Variants in PLXDC1 observed in about 807,000 individuals in gnomAD.
PLXDC1 encodes the protein plexin domain containing 1.
Under a neutral mutation model 61.3 loss-of-function variants are expected in PLXDC1, and 39 were observed. The observed-to-expected ratio is 0.64, with a 90% CI of 0.49 to 0.83. PLXDC1 has a LOEUF of 0.83. Among genes scored for constraint, PLXDC1 ranks in the 40% least tolerant of loss-of-function variants. PLXDC1 has a pLI of 0.00. For synonymous variants in PLXDC1, 212 were observed against 254.5 expected, an observed-to-expected ratio of 0.83 and a Z score of 1.59; for missense variants, 596 against 666.5, an observed-to-expected ratio of 0.89 and a Z score of 1.17.
intron 9 of PLXDC1, chr17:39,080,105 G>A (rs1290054532): frequency 1.3e-5 from 2 of 154,472 alleles, no homozygotes; most frequent in East Asian, 3.8e-4. Context: ...GGCTATTGGA[G>A]GCTGAGAACT....
At chr17:39,122,576 T>C (rs1911200395) in intron 2 of PLXDC1, among the ~76,000 whole-genome samples, 1 of 152,094 alleles carries the variant, frequency 6.6e-6, no homozygotes, top group Non-Finnish European at 1.5e-5. Flanking sequence ...ATGGTCACTA[T>C]AATCCATATT....
chr17:39,076,702 T>C (rs1909350240), intron 11 of PLXDC1, among the ~76,000 whole-genome samples: 1 of 152,034 alleles, frequency 6.6e-6, no homozygotes, highest in Non-Finnish European at 1.5e-5. Flanking sequence ...GAAGGGGCTT[T>C]CAAAGCTGGA....
chr17:39,148,376 T>TATTTTA (rs1470027405), intron 1 of PLXDC1, among the ~76,000 whole-genome samples: 2 of 151,792 alleles, frequency 1.3e-5, no homozygotes, highest in Non-Finnish European at 2.9e-5. Context: ...GCTAATTTTT[T>TATTTTA]ATTTTAATTT....
intron 2 of PLXDC1, among the ~76,000 whole-genome samples, chr17:39,128,109 A>ACATATATATATGTG: frequency 9.6e-6 from 1 of 103,926 alleles, no homozygotes; most frequent in African/African-American, 4.1e-5. Context: ...ATATATATAT[A>ACATATATATATGTG]TATATGTATA....
chr17:39,145,565 C>T (rs945159102), intron 1 of PLXDC1, among the ~76,000 whole-genome samples: 9 of 152,150 alleles, frequency 5.9e-5, no homozygotes, highest in South Asian at 4.1e-4. Flanking sequence ...CATCTCTCTC[C>T]GGCTTCCAGC....
chr17:39,124,888 A>C (rs1911269858), intron 2 of PLXDC1, among the ~76,000 whole-genome samples: 1 of 152,122 alleles, frequency 6.6e-6, no homozygotes, highest in African/African-American at 2.4e-5. Context: ...ACCTCAGCTT[A>C]CTGCAACCTC....
intron 6 of PLXDC1, among the ~76,000 whole-genome samples, chr17:39,106,308 C>G (rs967484436): frequency 6.6e-6 from 1 of 152,090 alleles, no homozygotes; most frequent in South Asian, 2.1e-4. Flanking sequence ...TCCATTTCCC[C>G]TCATCCTACT....
At chr17:39,079,073 A>AGGAGTTGC in intron 10 of PLXDC1, 31 bp downstream of exon 10, 1 of 1,592,418 alleles carries the variant, frequency 6.3e-7, no homozygotes, top group Non-Finnish European at 8.6e-7. Flanking sequence ...CACCTGGCAC[A>AGGAGTTGC]GGAGTTGCAG....
rs148118335 is a variant in PLXDC1 at position 39,108,190 on chromosome 17, C to T, written c.525G>A (p.Val175=). Residue 175 remains valine, a synonymous_variant, in exon 5 of 14, where the codon GTG becomes GTA. Coordinates refer to ENST00000315392, the MANE Select transcript of PLXDC1 (RefSeq NM_020405.5). ...IHRMLTATQY[V]APLMANFNPG... is the part of the protein sequence containing the mutation. ...GGTTGAAGTTGGCCATCAGGGGCGC[C>T]ACATACTGAGTAGCTGTGAGCATCC... is the stretch of plus-strand genomic sequence containing the variant. 4.3e-6 allele frequency: 7 copies of T among 1,614,030 alleles called. No homozygotes were observed. In the Middle Eastern group the frequency reaches 4.9e-4, roughly 114 times the overall value.
chr17:39,063,670 A>G lies in PLXDC1; in HGVS notation c.*4170T>C, dbSNP rs1908791006. The G allele has an allele frequency of 1.7e-6, 1 of 592,398 alleles. No homozygotes were observed. The highest frequency in any genetic ancestry group is 1.9e-5 in the African/African-American group (1 of 53,822). The allele number at this position is 592,398 out of a possible 1,614,324, so 36.7% of individuals were successfully genotyped here. On this transcript the variant is annotated 3_prime_UTR_variant, in exon 14 of 14. Transcript: ENST00000315392. ...CTGAGAATCCATGCAGAGAGTTTAC[A>G]CTAAACACATGAATACATTGTGTTT...
intron 2 of PLXDC1, among the ~76,000 whole-genome samples, chr17:39,110,721 C>T (rs1391945757): frequency 6.6e-6 from 1 of 152,242 alleles, no homozygotes; most frequent in African/African-American, 2.4e-5. Flanking sequence ...GCTGCCCAGC[C>T]GGCCCTTGCC....
intron 11 of PLXDC1, among the ~76,000 whole-genome samples, chr17:39,075,911 C>G (rs1909309623): frequency 6.6e-6 from 1 of 152,044 alleles, no homozygotes; most frequent in Admixed American, 6.6e-5. Context: ...AACCCAGTCT[C>G]TACTAAAAAT....
chr17:39,107,108 C>T (rs747789107), intron 6 of PLXDC1, among the ~76,000 whole-genome samples: 1 of 152,232 alleles, frequency 6.6e-6, no homozygotes, highest in East Asian at 1.9e-4. Context: ...CTCTTTTCCT[C>T]AGCAAAGCCT....
chr17:39,111,316 G>A (rs930321975), intron 2 of PLXDC1, among the ~76,000 whole-genome samples: 2 of 152,110 alleles, frequency 1.3e-5, no homozygotes, highest in East Asian at 1.9e-4. Context: ...ACAGAGTCTC[G>A]TTCTGTCGCC....
At position 39,122,291 on chromosome 17, in the gene PLXDC1, G is replaced by T. The variant is rs1287139725; in HGVS notation, c.256-12900C>A. 1.3e-4 allele frequency among the ~76,000 whole-genome samples: 19 copies of T among 144,318 alleles called. 1 individual carries two copies. The highest frequency in any genetic ancestry group is 1.5e-5 in the Non-Finnish European group (1 of 66,924). The allele number at this position is 144,318 out of a possible 152,430, so 94.7% of individuals were successfully genotyped here. ...GTGGTGAGGCACACCTGTAATCCCA[G>T]CTACTCAGGAGGCTGAGGCAGGAGA... On this transcript the variant is annotated intron_variant, in intron 2 of 13. Coordinates refer to ENST00000315392, the MANE Select transcript of PLXDC1 (RefSeq NM_020405.5).
At chr17:39,101,153 A>G (rs1910405787) in intron 7 of PLXDC1, among the ~76,000 whole-genome samples, 1 of 152,234 alleles carries the variant, frequency 6.6e-6, no homozygotes, top group African/African-American at 2.4e-5. Flanking sequence ...CCATACACAT[A>G]TGGCAAAGAC....
At chr17:39,084,330 C>T (rs1209397763) in intron 8 of PLXDC1, among the ~76,000 whole-genome samples, 1 of 152,192 alleles carries the variant, frequency 6.6e-6, no homozygotes, top group Non-Finnish European at 1.5e-5. Context: ...TTTAGCTGCT[C>T]TTGCCACAAG....
rs747192046 is a variant in PLXDC1 at position 39,077,893 on chromosome 17, C to T, written c.1186+20G>A. ...CCTTCCTGGCCTCCTCTCTGCTCCC[C>T]TCCTGGGCTCAGAACTTACCTTCTG... On this transcript the variant is annotated intron_variant, in intron 11 of 13. Coordinates refer to ENST00000315392, the MANE Select transcript of PLXDC1 (RefSeq NM_020405.5). 6.2e-7 allele frequency: 1 copy of T among 1,613,902 alleles called. No homozygotes were observed. The highest frequency in any genetic ancestry group is 1.1e-5 in the South Asian group (1 of 91,074).
rs776217205 is a variant in PLXDC1, at chr17:39,079,169, A to C, written c.990-5T>G. The C allele has an allele frequency of 6.2e-7, 1 of 1,612,868 alleles. No homozygotes were observed. The highest frequency in any genetic ancestry group is 1.3e-5 in the African/African-American group (1 of 74,904). On this transcript the variant is annotated splice_polypyrimidine_tract_variant and splice_region_variant and intron_variant, in intron 9 of 13. Coordinates refer to ENST00000315392, the MANE Select transcript of PLXDC1 (RefSeq NM_020405.5). Reference sequence around the variant, plus strand: ...CGGTCAAAGCCACTGGAGCATCTGCAGGAGGACCAAAAGGACAGAGTTATG... The same window carrying C: ...CGGTCAAAGCCACTGGAGCATCTGCCGGAGGACCAAAAGGACAGAGTTATG...
Sources: allele counts gnomAD v4.1 joint callset (sites outside exome capture counted in the v4.1 genomes callset), GRCh38; gene constraint gnomAD v4.1.1; transcripts MANE v1.5; gene names NCBI Gene and HGNC (gene_info 2026-07-23, HGNC 2026-07-21).